ASGR2: variants seen among roughly 807,000 people sequenced by gnomAD.
ASGR2 encodes C-type lectin domain family 4 member H2.
A neutral mutation model predicts 32.3 loss-of-function variants in ASGR2; 34 were observed. The observed-to-expected ratio is 1.05, with a 90% CI of 0.80 to 1.40. The LOEUF (loss-of-function observed/expected upper bound fraction) is 1.40, where lower values mean the gene tolerates loss of function less well. Ranked by LOEUF, ASGR2 falls within the 40% of genes most tolerant of loss-of-function variation. The probability of loss-of-function intolerance (pLI) is 0.00; values close to 1 mark genes in which losing one functional copy is unlikely to be tolerated. For missense variants in ASGR2, 385 were observed against 386.4 expected (o/e 1.00, Z 0.03); for synonymous variants, 143 against 150.0 (o/e 0.95, Z 0.34).
Position 7,108,028 on chromosome 17 carries a change from CCA to C in ASGR2, c.338-123_338-122del. ...GGCGTCCACCTCCTGGCTTCCTGGA[CCA>C]CACCCAGGCTCCCTGCACTGCCACA... On this transcript the variant is annotated intron_variant, in intron 4 of 8. Transcript: ENST00000691900. This position sits in a 1 kb window ranked among gnomAD's most constrained non-coding sequence, Gnocchi z 4.9. 1 of 1,082,434 alleles carries C rather than the reference CCA, an allele frequency of 9.2e-7. No homozygotes were observed. Among genetic ancestry groups the C allele is most frequent in the Non-Finnish European group, 1.3e-6 (1 of 748,054 alleles). 67.1% of individuals were successfully genotyped at this position (1,082,434 alleles called of 1,614,324 possible).
In ASGR2 at chr17:7,114,085, G is replaced by A. The variant is rs776272937; in HGVS notation, c.124+32C>T. The stretch of plus-strand genomic sequence containing the variant: ...AGAGCAATCATGAGCTGAGACAGAG[G>A]GGGAGCAAAGCCGCAGAAACTGCAC... On this transcript the variant is annotated intron_variant, in intron 2 of 8. Transcript: ENST00000691900. The surrounding 1 kb of genome is among the most constrained non-coding windows in gnomAD (Gnocchi z 4.5). 38 of 1,613,162 alleles carry A rather than the reference G, an allele frequency of 2.4e-5. No homozygotes were observed. Among genetic ancestry groups the A allele is most frequent in the Non-Finnish European group, 3.1e-5 (36 of 1,179,666 alleles).
chr17:7,114,515 C>T lies in ASGR2; in HGVS notation c.-71+100G>A, dbSNP rs920765. The T allele has an allele frequency of 7.2e-6, 9 of 1,247,346 alleles. No homozygotes were observed. The African/African-American group carries it at 7.6e-5, about 11-fold the overall frequency. The allele number at this position is 1,247,346 out of a possible 1,614,324, so 77.3% of individuals were successfully genotyped here. ...AGACCCCTCCCCACGCTCATGGACC[C>T]GACCACCCACAGCTTCCCATGGGGT... On this transcript the variant is annotated intron_variant, in intron 1 of 8. Transcript: ENST00000691900. This position sits in a 1 kb window ranked among gnomAD's most constrained non-coding sequence, Gnocchi z 4.5.
rs368556745 is a variant in ASGR2, at chr17:7,113,548, T to TACATACACACA, written c.124+558_124+568dup. 1.2e-4 allele frequency among the ~76,000 whole-genome samples: 11 copies of TACATACACACA among 93,168 alleles called. No individual in the cohort carries two copies. The Admixed American group carries it at 1.2e-3, about 10-fold the overall frequency. 61.1% of individuals were successfully genotyped at this position (93,168 alleles called of 152,430 possible). The stretch of plus-strand genomic sequence containing the variant: ...AACATACACACACTCATACACAACA[T>TACATACACACA]ACATACACACAACATACACACAACA... On this transcript the variant is annotated intron_variant, in intron 2 of 8. Transcript: ENST00000691900. This position sits in a 1 kb window ranked among gnomAD's most constrained non-coding sequence, Gnocchi z 5.1.
At chr17:7,104,652 A>G (rs1913373130) in intron 7 of ASGR2, among the ~76,000 whole-genome samples, 1 of 151,534 alleles carries the variant, frequency 6.6e-6, no homozygotes, top group Admixed American at 6.6e-5. Flanking sequence ...CTCCATTTCA[A>G]AAAATAAAAA....
intron 2 of ASGR2, among the ~76,000 whole-genome samples, chr17:7,112,812 T>G (rs189426491): frequency 4.6e-5 from 7 of 151,582 alleles, no homozygotes; most frequent in Non-Finnish European, 8.8e-5. Flanking sequence ...CCAATCCCCT[T>G]CCTAAGCTCC....
chr17:7,108,457 C>T lies in ASGR2; in HGVS notation c.337+5G>A, dbSNP rs1914153108. The T allele has an allele frequency of 1.3e-6, 2 of 1,593,898 alleles. No individual in the cohort carries two copies. The highest frequency in any genetic ancestry group is 4.5e-5 in the East Asian group (2 of 44,266). On this transcript the variant is annotated splice_donor_5th_base_variant and intron_variant, in intron 4 of 8. Coordinates refer to ENST00000691900, the MANE Select transcript of ASGR2 (RefSeq NM_001201352.2). This position sits in a 1 kb window ranked among gnomAD's most constrained non-coding sequence, Gnocchi z 4.9. ...AAATGAGAACCCAGCCGTCCAGCCC[C>T]TCACCGTGGGTGCTGATTGCCTGGA...
intron 7 of ASGR2, 113 bp downstream of exon 7, chr17:7,106,887 G>A (rs1597380837): frequency 7.3e-7 from 1 of 1,375,642 alleles, no homozygotes; most frequent in East Asian, 2.5e-5. Flanking sequence ...TTGGGCGACA[G>A]AGCGAGACTC....
At position 7,107,114 on chromosome 17, in the gene ASGR2, C is replaced by T. The variant is rs746131148; in HGVS notation, c.534G>A (p.Glu178=). 1 of 1,614,168 alleles carries T rather than the reference C, an allele frequency of 6.2e-7. No homozygotes were observed. Among genetic ancestry groups the T allele is most frequent in the South Asian group, 1.1e-5 (1 of 91,082 alleles). Residue 178 remains glutamate (E), a synonymous_variant, in exon 7 of 9, where the codon GAG becomes GAA. Coordinates refer to ENST00000691900, the MANE Select transcript of ASGR2 (RefSeq NM_001201352.2). The surrounding 1 kb of genome is among the most constrained non-coding windows in gnomAD (Gnocchi z 5.0). ...AGAACCAGTAGCAGCTGCCTTGGTG[C>T]TCCACCCAGTTGACGGGGCAGCAGG... The part of the protein sequence containing the change: ...QRTCCPVNWV[E]HQGSCYWFSH...
rs1914934695 is a variant in ASGR2, at chr17:7,113,160, A to C, written c.124+957T>G. Among the ~76,000 whole-genome samples, 1 of 152,026 alleles carries C rather than the reference A, an allele frequency of 6.6e-6. No individual in the cohort carries two copies. Among genetic ancestry groups the C allele is most frequent in the South Asian group, 2.1e-4 (1 of 4,830 alleles). On this transcript the variant is annotated intron_variant, in intron 2 of 8. Coordinates refer to ENST00000691900, the MANE Select transcript of ASGR2 (RefSeq NM_001201352.2). The surrounding 1 kb of genome is among the most constrained non-coding windows in gnomAD (Gnocchi z 5.1). ...TAAAAAAAAAATGTCCAAGATACTT[A>C]GGTCCTTCAGTCAAGATTTATTACA...
chr17:7,113,291 C>A lies in ASGR2; in HGVS notation c.124+826G>T, dbSNP rs1416338169. Among the ~76,000 whole-genome samples the A allele has an allele frequency of 8.2e-6, 1 of 122,336 alleles. No individual in the cohort carries two copies. Among genetic ancestry groups the A allele is most frequent in the Non-Finnish European group, 1.8e-5 (1 of 57,000 alleles). The allele number at this position is 122,336 out of a possible 152,430, so 80.3% of individuals were successfully genotyped here. On this transcript the variant is annotated intron_variant, in intron 2 of 8. Coordinates refer to ENST00000691900, the MANE Select transcript of ASGR2 (RefSeq NM_001201352.2). This position sits in a 1 kb window ranked among gnomAD's most constrained non-coding sequence, Gnocchi z 5.1. ...TCCCAACTCACCCCACCTCTACACA[C>A]ACACACACACACACATACAATCACA...
Position 7,114,312 on chromosome 17 carries a change from TG to T in ASGR2, c.-70-3del. On this transcript the variant is annotated splice_polypyrimidine_tract_variant and splice_region_variant and intron_variant, in intron 1 of 8. Coordinates refer to ENST00000691900, the MANE Select transcript of ASGR2 (RefSeq NM_001201352.2). This position sits in a 1 kb window ranked among gnomAD's most constrained non-coding sequence, Gnocchi z 4.5. ...CTGAGGTTGCTCTGAGGGCTGGGGC[TG>T]GGGCAGAGGTGCAGATTCACGTGGA... is the stretch of plus-strand genomic sequence containing the variant. 7 of 1,348,618 alleles carry T rather than the reference TG, an allele frequency of 5.2e-6. No homozygotes were observed. The highest frequency in any genetic ancestry group is 6.9e-6 in the Non-Finnish European group (7 of 1,018,938). The allele number at this position is 1,348,618 out of a possible 1,614,324, so 83.5% of individuals were successfully genotyped here.
Position 7,114,610 on chromosome 17 carries a change from G to A in ASGR2, c.-71+5C>T. On this transcript the variant is annotated splice_donor_5th_base_variant and intron_variant, in intron 1 of 8. Coordinates refer to ENST00000691900, the MANE Select transcript of ASGR2 (RefSeq NM_001201352.2). The surrounding 1 kb of genome is among the most constrained non-coding windows in gnomAD (Gnocchi z 4.5). Reference sequence around the variant, plus strand: ...CGTCCCAGTTGCCTCCCCAGCCTCAGTTACCTGTGAAAGGTGTGGAGAGCG... The same window carrying A: ...CGTCCCAGTTGCCTCCCCAGCCTCAATTACCTGTGAAAGGTGTGGAGAGCG... The A allele has an allele frequency of 9.3e-7, 1 of 1,070,230 alleles. No individual in the cohort carries two copies. The highest frequency in any genetic ancestry group is 1.7e-5 in the African/African-American group (1 of 60,336). 66.3% of individuals were successfully genotyped at this position (1,070,230 alleles called of 1,614,324 possible).
chr17:7,109,053 ACACT>A (rs1057269316), intron 2 of ASGR2, among the ~76,000 whole-genome samples, 165 bp from the exon 3 acceptor site: 3 of 151,792 alleles, frequency 2.0e-5, no homozygotes, highest in African/African-American at 4.8e-5. Flanking sequence ...CATTACACAC[ACACT>A]CTTACACACT....
At position 7,113,438 on chromosome 17, in the gene ASGR2, ACACT is replaced by A. The variant is rs745866754; in HGVS notation, c.124+675_124+678del. 2.0e-5 allele frequency among the ~76,000 whole-genome samples: 3 copies of A among 147,810 alleles called. No individual in the cohort carries two copies. Among genetic ancestry groups the A allele is most frequent in the East Asian group, 4.0e-4 (2 of 5,042 alleles). Reference sequence around the variant, plus strand: ...CATACACACACGCACAACATACACAACACTCACACAACACACAAACATACATACA... The same window carrying A: ...CATACACACACGCACAACATACACAACACACAACACACAAACATACATACA... On this transcript the variant is annotated intron_variant, in intron 2 of 8. Transcript: ENST00000691900. The surrounding 1 kb of genome is among the most constrained non-coding windows in gnomAD (Gnocchi z 5.1).
rs751706175 is a variant in ASGR2, at chr17:7,113,332, ACACACT to A, written c.124+779_124+784del. On this transcript the variant is annotated intron_variant, in intron 2 of 8. Coordinates refer to ENST00000691900, the MANE Select transcript of ASGR2 (RefSeq NM_001201352.2). This position sits in a 1 kb window ranked among gnomAD's most constrained non-coding sequence, Gnocchi z 5.1. ...TACAATCACATACACACACTAACAC[ACACACT>A]CACGCAACACACTCACACACACAAC... 3.5e-5 allele frequency among the ~76,000 whole-genome samples: 5 copies of A among 144,840 alleles called. No homozygotes were observed. Among genetic ancestry groups the A allele is most frequent in the South Asian group, 2.4e-4 (1 of 4,130 alleles).
Position 7,107,599 on chromosome 17 carries a change from C to G in ASGR2, c.409+237G>C. 1.5e-6 allele frequency: 1 copy of G among 650,680 alleles called. No homozygotes were observed. The highest frequency in any genetic ancestry group is 2.7e-6 in the Non-Finnish European group (1 of 369,250). 40.3% of individuals were successfully genotyped at this position (650,680 alleles called of 1,614,324 possible). Reference sequence around the variant, plus strand: ...CACACACACAGACTCATCTCACACACACCACCACACATGCATACACACACA... The same window carrying G: ...CACACACACAGACTCATCTCACACAGACCACCACACATGCATACACACACA... On this transcript the variant is annotated intron_variant, in intron 5 of 8. Transcript: ENST00000691900. The surrounding 1 kb of genome is among the most constrained non-coding windows in gnomAD (Gnocchi z 5.0).
chr17:7,111,439 G>A (rs1464109472), intron 2 of ASGR2, among the ~76,000 whole-genome samples: 1 of 151,884 alleles, frequency 6.6e-6, no homozygotes, highest in Non-Finnish European at 1.5e-5. Flanking sequence ...GGCAGATCAT[G>A]AGGTCAGGAG....
rs1198792667 is a variant in ASGR2, at chr17:7,102,143, G to C, written c.702C>G (p.Asp234Glu). Residue 234 changes from aspartate (D) to glutamate (E), a missense_variant, in exon 8 of 9, where the codon GAC becomes GAG. Asp to Glu is a conservative substitution (Grantham distance 45). Coordinates refer to ENST00000691900, the MANE Select transcript of ASGR2 (RefSeq NM_001201352.2). ...NPFNTWIGLT[D>E]SDGSWKWVDG... ...CCACCCATTTCCAAGAGCCATCACT[G>C]TCCGTGAGACCTATCCAGGTATTGA... 3 of 1,614,082 alleles carry C rather than the reference G, an allele frequency of 1.9e-6. No individual in the cohort carries two copies. Among genetic ancestry groups the C allele is most frequent in the African/African-American group, 1.3e-5 (1 of 74,922 alleles).
rs573656377 is a variant in ASGR2, at chr17:7,108,980, G to T, written c.125-92C>A. ...CCGAAGCCTGAGGAGGCATAACCTG[G>T]GCGGGGGGATTGGTTGGGGCCATGG... On this transcript the variant is annotated intron_variant, in intron 2 of 8. Coordinates refer to ENST00000691900, the MANE Select transcript of ASGR2 (RefSeq NM_001201352.2). This position sits in a 1 kb window ranked among gnomAD's most constrained non-coding sequence, Gnocchi z 4.9. 3.5e-5 allele frequency: 47 copies of T among 1,353,266 alleles called. No individual in the cohort carries two copies. The South Asian group carries it at 4.1e-4, about 12-fold the overall frequency. The allele number at this position is 1,353,266 out of a possible 1,614,324, so 83.8% of individuals were successfully genotyped here.
Sources: allele counts gnomAD v4.1 joint callset (sites outside exome capture counted in the v4.1 genomes callset), GRCh38; gene constraint gnomAD v4.1.1; non-coding constraint Gnocchi (gnomAD v3.1); transcripts MANE v1.5; gene names NCBI Gene and HGNC (gene_info 2026-07-23, HGNC 2026-07-21).